SPATA6L: variants seen among roughly 807,000 people sequenced by gnomAD.
SPATA6L encodes the protein spermatogenesis associated 6-like protein.
Under a neutral mutation model 49.2 loss-of-function variants are expected in SPATA6L, and 68 were observed. The ratio of observed to expected loss-of-function variants is 1.38; its 90% CI spans 1.14 to 1.69. SPATA6L has a LOEUF of 1.69. Among genes scored for constraint, SPATA6L ranks in the 40% most tolerant of loss-of-function variants. SPATA6L has a pLI of 0.00. For synonymous variants in SPATA6L, 198 were observed against 165.7 expected (o/e 1.19, Z -1.50); for missense variants, 668 against 464.3 (o/e 1.44, Z -4.03).
intron 11 of SPATA6L, among the ~76,000 whole-genome samples, chr9:4,603,965 G>A (rs1824035894): frequency 6.6e-6 from 1 of 152,170 alleles, no homozygotes; most frequent in Non-Finnish European, 1.5e-5. Flanking sequence ...TGCGGGCAGG[G>A]GAGATGATTA....
At chr9:4,604,125 A>C in intron 11 of SPATA6L, 54 bp downstream of exon 11, 2 of 1,231,576 alleles carry the variant, frequency 1.6e-6, no homozygotes, top group Non-Finnish European at 2.3e-6. Flanking sequence ...AAATTCTTTT[A>C]GCAAACCAAG....
At chr9:4,623,892 T>C (rs1226207069) in intron 6 of SPATA6L, among the ~76,000 whole-genome samples, 1 of 152,216 alleles carries the variant, frequency 6.6e-6, no homozygotes, top group Non-Finnish European at 1.5e-5. Context: ...TGTTTAAAGA[T>C]TGGTTGTTAG....
chr9:4,651,562 T>C (rs1836854537), intron 3 of SPATA6L, among the ~76,000 whole-genome samples: 1 of 152,096 alleles, frequency 6.6e-6, no homozygotes, highest in South Asian at 2.1e-4. Flanking sequence ...CAGACCAATA[T>C]CTCTTATGAT....
chr9:4,662,643 G>T lies in SPATA6L; in HGVS notation c.40-607C>A. 1 of 1,599,280 alleles carries T rather than the reference G, an allele frequency of 6.3e-7. No homozygotes were observed. The highest frequency in any genetic ancestry group is 8.5e-7 in the Non-Finnish European group (1 of 1,179,714). ...GCCCGCGCCTCCGCTGCCCGAGGAG[G>T]ACCGCATGGACTTGAACCCGTCCTT... On this transcript the variant is annotated intron_variant, in intron 1 of 11. Transcript: ENST00000682582. The surrounding 1 kb of genome is among the most constrained non-coding windows in gnomAD (Gnocchi z 4.9).
At chr9:4,645,363 T>C (rs1189503318) in intron 3 of SPATA6L, among the ~76,000 whole-genome samples, 1 of 152,202 alleles carries the variant, frequency 6.6e-6, no homozygotes, top group African/African-American at 2.4e-5. Flanking sequence ...GGGTAATTTA[T>C]TTTTAAAAAG....
chr9:4,650,939 T>C (rs1251900312), intron 3 of SPATA6L, among the ~76,000 whole-genome samples: 1 of 151,644 alleles, frequency 6.6e-6, no homozygotes, highest in East Asian at 1.9e-4. Context: ...TGAGCTCAAG[T>C]GATCTGCTCG....
intron 6 of SPATA6L, chr9:4,625,068 C>T (rs1830084092): frequency 2.4e-6 from 1 of 423,120 alleles, no homozygotes; most frequent in Non-Finnish European, 3.9e-6. Context: ...AGGCATTATA[C>T]TCTGTTAATA....
chr9:4,612,012 T>C (rs1324854319), intron 9 of SPATA6L, among the ~76,000 whole-genome samples: 1 of 137,936 alleles, frequency 7.2e-6, no homozygotes, highest in Non-Finnish European at 1.5e-5. Context: ...TGCCTGGCTA[T>C]TTTTTTTTTT....
intron 9 of SPATA6L, among the ~76,000 whole-genome samples, chr9:4,609,807 A>G (rs980365069): frequency 2.0e-5 from 3 of 151,508 alleles, no homozygotes; most frequent in African/African-American, 7.3e-5. Flanking sequence ...GCAATTAGGC[A>G]GGAGAAGGAA....
chr9:4,590,381 C>A (rs975186567), intron 13 of SPATA6L, among the ~76,000 whole-genome samples: 8 of 152,176 alleles, frequency 5.3e-5, no homozygotes, highest in Admixed American at 4.6e-4. Context: ...TCTAACCACA[C>A]AATTGATGTC....
In SPATA6L at chr9:4,625,221, T is replaced by G. The variant is rs908276384; in HGVS notation, c.669+106A>C. The G allele has an allele frequency of 1.5e-4, 217 of 1,451,878 alleles. 2 individuals are homozygous for G. Among genetic ancestry groups the G allele is most frequent in the African/African-American group, 9.8e-4 (68 of 69,636 alleles). The allele number at this position is 1,451,878 out of a possible 1,614,324, so 89.9% of individuals were successfully genotyped here. ...TTATTATTCAATTTGAAGTACCTTT[T>G]TATTGAATATTATTCATTTGTTGTT... On this transcript the variant is annotated intron_variant, in intron 6 of 11. Coordinates refer to ENST00000682582, the MANE Select transcript of SPATA6L (RefSeq NM_001353486.2).
Position 4,606,688 on chromosome 9 carries a change from TG to T in SPATA6L, c.996-1249del, listed in dbSNP as rs1285438538. Among the ~76,000 whole-genome samples the T allele has an allele frequency of 5.5e-5, 7 of 127,068 alleles. 1 individual carries two copies. Among genetic ancestry groups the T allele is most frequent in the Non-Finnish European group, 1.1e-4 (7 of 61,106 alleles). 83.4% of individuals were successfully genotyped at this position (127,068 alleles called of 152,430 possible). A position where few individuals can be genotyped will look rare whatever the true frequency, so the allele number is the denominator to read the frequency against. ...CCAAAAGTAGATAAAACCACAAAGA[TG>T]GGGAAAAAACAGAACAGAAAAACTG... On this transcript the variant is annotated intron_variant, in intron 9 of 11. Coordinates refer to ENST00000682582, the MANE Select transcript of SPATA6L (RefSeq NM_001353486.2).
intron 9 of SPATA6L, among the ~76,000 whole-genome samples, chr9:4,612,036 G>A (rs981964453): frequency 2.6e-5 from 4 of 151,716 alleles, no homozygotes; most frequent in Admixed American, 6.6e-5. Context: ...TAAGAGATAG[G>A]GTCTTGCTAC....
intron 6 of SPATA6L, among the ~76,000 whole-genome samples, chr9:4,624,345 T>C (rs1437449642): frequency 1.3e-5 from 2 of 152,250 alleles, no homozygotes; most frequent in Admixed American, 6.5e-5. Flanking sequence ...TGCGTCAAAT[T>C]AAATCAAACA....
In SPATA6L at chr9:4,662,449, G is replaced by A. The variant is rs573096039; in HGVS notation, c.40-413C>T. ...GCTTCGAGCAGCAGCAGCAGCCCCG[G>A]CAGCCCAGCCCATGGCGGCGGTGGC... is the stretch of plus-strand genomic sequence containing the variant. On this transcript the variant is annotated intron_variant, in intron 1 of 11. Transcript: ENST00000682582. The surrounding 1 kb of genome is among the most constrained non-coding windows in gnomAD (Gnocchi z 4.9). 11 of 1,545,984 alleles carry A rather than the reference G, an allele frequency of 7.1e-6. No individual in the cohort carries two copies. Among genetic ancestry groups the A allele is most frequent in the Admixed American group, 3.8e-5 (2 of 52,400 alleles).
chr9:4,629,230 T>C, intron 4 of SPATA6L, 62 bp from the exon 5 acceptor site: 3 of 1,184,812 alleles, frequency 2.5e-6, no homozygotes, highest in Non-Finnish European at 3.6e-6. Context: ...GCCATCTCCT[T>C]CTAACTTGAA....
intron 1 of SPATA6L, chr9:4,663,299 A>T (rs1840311208): frequency 5.0e-6 from 8 of 1,586,396 alleles, no homozygotes; most frequent in African/African-American, 1.3e-5. Context: ...GGAAGTCTGA[A>T]GGTTTCCACA....
intron 3 of SPATA6L, among the ~76,000 whole-genome samples, chr9:4,644,072 C>T (rs1834677030): frequency 6.6e-6 from 1 of 150,866 alleles, no homozygotes; most frequent in African/African-American, 2.4e-5. Context: ...ATAGGCAAGG[C>T]ATGGTGGCTC....
At position 4,654,748 on chromosome 9, in the gene SPATA6L, C is replaced by G. The variant is rs541779032; in HGVS notation, c.226+1293G>C. ...AAACTCCGTGTCGTTCTGCCAGTGCCAATGTACTCCTCTCGATGTCCAGCC... is the reference window on the plus strand; with the variant it reads ...AAACTCCGTGTCGTTCTGCCAGTGCGAATGTACTCCTCTCGATGTCCAGCC... On this transcript the variant is annotated intron_variant, in intron 3 of 11. Coordinates refer to ENST00000682582, the MANE Select transcript of SPATA6L (RefSeq NM_001353486.2). Among the ~76,000 whole-genome samples, 31 of 152,278 alleles carry G rather than the reference C, an allele frequency of 2.0e-4. No homozygotes were observed. The East Asian group carries it at 6.0e-3, about 29-fold the overall frequency.
Sources: allele counts gnomAD v4.1 joint callset (sites outside exome capture counted in the v4.1 genomes callset), GRCh38; gene constraint gnomAD v4.1.1; non-coding constraint Gnocchi (gnomAD v3.1); transcripts MANE v1.5; gene names NCBI Gene and HGNC (gene_info 2026-07-23, HGNC 2026-07-21).